PPARGC1A: variants seen among roughly 807,000 people sequenced by gnomAD.
The protein encoded by PPARGC1A is peroxisome proliferator-activated receptor gamma coactivator 1-alpha.
A neutral mutation model predicts 88.7 loss-of-function variants in PPARGC1A; 25 were observed. The ratio of observed to expected loss-of-function variants is 0.28; its 90% CI spans 0.21 to 0.39. The LOEUF is 0.39. PPARGC1A is among the 10% of genes least tolerant of loss of function. The pLI is 1.00. For missense variants in PPARGC1A, 880 were observed against 968.7 expected (o/e 0.91, Z 1.22); for synonymous variants, 363 against 355.6 (o/e 1.02, Z -0.24).
the PPARGC1A span, among the ~76,000 whole-genome samples, chr4:24,378,959 T>TA: frequency 6.6e-6 from 1 of 152,174 alleles, no homozygotes; most frequent in Non-Finnish European, 1.5e-5. Flanking sequence ...AGGCAGTCCT[T>TA]ACTATTCATA....
chr4:24,193,003 T>C, the PPARGC1A span, among the ~76,000 whole-genome samples: 1 of 152,150 alleles, frequency 6.6e-6, no homozygotes, highest in African/African-American at 2.4e-5. Flanking sequence ...CACCAGAACA[T>C]TAGAAAAGAG....
At chr4:24,115,246 A>T in the PPARGC1A span, among the ~76,000 whole-genome samples, 1 of 152,214 alleles carries the variant, frequency 6.6e-6, no homozygotes, top group African/African-American at 2.4e-5. Flanking sequence ...ATTAAATATA[A>T]ATGAATTCAG....
At chr4:24,108,751 G>T in the PPARGC1A span, among the ~76,000 whole-genome samples, 3 of 152,088 alleles carry the variant, frequency 2.0e-5, no homozygotes, top group African/African-American at 7.2e-5. Context: ...TGAACACCCA[G>T]TGGAGCCTGG....
chr4:24,228,119 G>A, the PPARGC1A span, among the ~76,000 whole-genome samples: 11 of 152,244 alleles, frequency 7.2e-5, no homozygotes, highest in South Asian at 1.9e-3. Context: ...AGTGGGATGG[G>A]GGAACATCCT....
chr4:24,047,182 C>T, the PPARGC1A span, among the ~76,000 whole-genome samples: 10 of 152,304 alleles, frequency 6.6e-5, no homozygotes, highest in East Asian at 1.3e-3. Flanking sequence ...ACTTTGGTCC[C>T]GTCAGAGTGA....
chr4:23,819,528 G>T (rs530831125), intron 7 of PPARGC1A, among the ~76,000 whole-genome samples: 1 of 152,246 alleles, frequency 6.6e-6, no homozygotes, highest in African/African-American at 2.4e-5. Context: ...TAGAGGATGG[G>T]TAAGGGGAAC....
chr4:24,115,870 C>T, the PPARGC1A span, among the ~76,000 whole-genome samples: 1 of 152,118 alleles, frequency 6.6e-6, no homozygotes, highest in East Asian at 1.9e-4. Context: ...CTTTGGGCTT[C>T]ACTTTACATT....
the PPARGC1A span, among the ~76,000 whole-genome samples, chr4:24,070,816 TTCACATTTC>T: frequency 6.6e-6 from 1 of 152,184 alleles, no homozygotes; most frequent in East Asian, 1.9e-4. Context: ...TTACATGAAA[TTCACATTTC>T]TGCAGCCGTG....
the PPARGC1A span, among the ~76,000 whole-genome samples, chr4:24,388,349 G>A: frequency 6.6e-6 from 1 of 152,182 alleles, no homozygotes; most frequent in Admixed American, 6.5e-5. Context: ...TGGAGTAATA[G>A]GAACACTTTT....
the PPARGC1A span, among the ~76,000 whole-genome samples, chr4:24,358,034 A>G: frequency 6.6e-6 from 1 of 152,346 alleles, no homozygotes; most frequent in Non-Finnish European, 1.5e-5. Flanking sequence ...ATTTAGGAGC[A>G]TCCACAATAT....
chr4:23,951,362 C>G, the PPARGC1A span, among the ~76,000 whole-genome samples: 2,103 of 152,112 alleles, frequency 0.014, 48 homozygotes, highest in African/African-American at 0.047. Context: ...GTCATTTTTA[C>G]TAGAAAATAA....
At chr4:23,879,735 G>A (rs1025999617) in intron 2 of PPARGC1A, among the ~76,000 whole-genome samples, 5 of 152,002 alleles carry the variant, frequency 3.3e-5, no homozygotes, top group African/African-American at 9.7e-5. Flanking sequence ...CACCTCTTAC[G>A]ACTGTCAGCA....
At chr4:23,872,813 T>A (rs1373777669) in intron 2 of PPARGC1A, among the ~76,000 whole-genome samples, 1 of 152,170 alleles carries the variant, frequency 6.6e-6, no homozygotes, top group Non-Finnish European at 1.5e-5. Flanking sequence ...AGAGATGAAC[T>A]TTTAAAATCC....
chr4:24,303,798 C>G, the PPARGC1A span, among the ~76,000 whole-genome samples: 2 of 152,086 alleles, frequency 1.3e-5, no homozygotes, highest in Admixed American at 6.6e-5. Flanking sequence ...GAAAAAAAAG[C>G]AAAAATTGGT....
chr4:23,921,009 T>C, the PPARGC1A span, among the ~76,000 whole-genome samples: 150 of 151,912 alleles, frequency 9.9e-4, no homozygotes, highest in African/African-American at 3.5e-3. Flanking sequence ...GGACTGGGGG[T>C]TCTTCCATAA....
the PPARGC1A span, among the ~76,000 whole-genome samples, chr4:24,312,845 A>G: frequency 6.6e-5 from 10 of 152,204 alleles, no homozygotes; most frequent in East Asian, 1.9e-3. Context: ...GAATCCCTTG[A>G]AAGAGAAAGA....
the PPARGC1A span, among the ~76,000 whole-genome samples, chr4:24,025,085 G>C: frequency 6.6e-6 from 1 of 152,176 alleles, no homozygotes; most frequent in African/African-American, 2.4e-5. Context: ...AAATGTTGCT[G>C]TTTCTAAACT....
the PPARGC1A span, among the ~76,000 whole-genome samples, chr4:24,113,299 T>C: frequency 6.6e-6 from 1 of 152,010 alleles, no homozygotes; most frequent in African/African-American, 2.4e-5. Context: ...GATGGATGCA[T>C]GGATGGATGG....
the PPARGC1A span, among the ~76,000 whole-genome samples, chr4:24,433,777 C>G: frequency 2.0e-5 from 3 of 152,168 alleles, no homozygotes; most frequent in Non-Finnish European, 2.9e-5. Context: ...AACTCCTCAT[C>G]ATTCCTGAGC....
Sources: gnomAD v4.1 joint callset for allele counts (sites outside exome capture counted in the v4.1 genomes callset) on GRCh38, gnomAD v4.1.1 for gene constraint, MANE v1.5 for transcripts, NCBI Gene and HGNC (gene_info 2026-07-23, HGNC 2026-07-21) for gene names.